EIF2AK3: variants seen among roughly 807,000 people sequenced by gnomAD.
The protein encoded by EIF2AK3 is eukaryotic translation initiation factor 2 alpha kinase 3.
Under a neutral mutation model 113.5 loss-of-function variants are expected in EIF2AK3, and 50 were observed. The ratio of observed to expected loss-of-function variants is 0.44; its 90% CI spans 0.35 to 0.56. The LOEUF is 0.56. Among genes scored for constraint, EIF2AK3 ranks in the 20% least tolerant of loss-of-function variants. The pLI, the probability that EIF2AK3 is intolerant of heterozygous loss-of-function variation, is 0.00. For missense variants in EIF2AK3, 1,185 were observed against 1,378.0 expected (o/e 0.86, Z 2.22); for synonymous variants, 448 against 495.4 (o/e 0.90, Z 1.27).
chr2:88,622,609 G>A (rs1269939570), intron 1 of EIF2AK3, among the ~76,000 whole-genome samples: 1 of 152,192 alleles, frequency 6.6e-6, no homozygotes, highest in Non-Finnish European at 1.5e-5. Flanking sequence ...CTTGCCTGAA[G>A]TATATTTATT....
intron 6 of EIF2AK3, among the ~76,000 whole-genome samples, chr2:88,589,818 G>A (rs1674837016): frequency 6.6e-6 from 1 of 151,996 alleles, no homozygotes; most frequent in African/African-American, 2.4e-5. Context: ...GGAGTAGCTA[G>A]GATTACAGGT....
At chr2:88,599,328 GATA>G (rs1675097584) in intron 2 of EIF2AK3, among the ~76,000 whole-genome samples, 1 of 151,808 alleles carries the variant, frequency 6.6e-6, no homozygotes, top group South Asian at 2.1e-4. Flanking sequence ...TCTATTTCCT[GATA>G]ATAGATAACA....
chr2:88,619,395 T>C (rs1254029811), intron 1 of EIF2AK3, among the ~76,000 whole-genome samples: 1 of 152,178 alleles, frequency 6.6e-6, no homozygotes, highest in African/African-American at 2.4e-5. Context: ...CCTCCATCTA[T>C]AGTATGACAG....
At chr2:88,571,874 A>G (rs1216758988) in intron 13 of EIF2AK3, among the ~76,000 whole-genome samples, 2 of 152,156 alleles carry the variant, frequency 1.3e-5, no homozygotes, top group African/African-American at 4.8e-5. Flanking sequence ...TACACTGTTT[A>G]TTGAATACAT....
intron 1 of EIF2AK3, 142 bp from the exon 2 acceptor site, chr2:88,613,995 C>T (rs1675515475): frequency 2.8e-6 from 2 of 723,376 alleles, no homozygotes; most frequent in Non-Finnish European, 4.6e-6. Flanking sequence ...CTCTTGCCAC[C>T]ACTGTCTTTG....
intron 7 of EIF2AK3, 86 bp downstream of exon 7, chr2:88,588,674 TC>T: frequency 7.4e-7 from 1 of 1,352,822 alleles, no homozygotes; most frequent in South Asian, 1.2e-5. Flanking sequence ...AGTTCTTATC[TC>T]TGCAGTATTC....
intron 14 of EIF2AK3, among the ~76,000 whole-genome samples, chr2:88,566,351 C>T (rs758626762): frequency 5.3e-5 from 8 of 152,036 alleles, no homozygotes; most frequent in Non-Finnish European, 1.2e-4. Flanking sequence ...GTCTATTTTG[C>T]CCAGGCTGGC....
At chr2:88,609,771 G>A (rs1445732099) in intron 2 of EIF2AK3, among the ~76,000 whole-genome samples, 1 of 151,872 alleles carries the variant, frequency 6.6e-6, no homozygotes, top group Non-Finnish European at 1.5e-5. Flanking sequence ...CACATCTGAC[G>A]GTATTTGTGA....
At chr2:88,568,829 A>G (rs1167921941) in intron 14 of EIF2AK3, among the ~76,000 whole-genome samples, 1 of 152,234 alleles carries the variant, frequency 6.6e-6, no homozygotes, top group African/African-American at 2.4e-5. Flanking sequence ...TTCATAGAAC[A>G]CCATTTTGAC....
chr2:88,617,928 C>A (rs1358770174), intron 1 of EIF2AK3, among the ~76,000 whole-genome samples: 1 of 152,154 alleles, frequency 6.6e-6, no homozygotes, highest in African/African-American at 2.4e-5. Flanking sequence ...TTTGTAAACC[C>A]AACACTCAGG....
intron 15 of EIF2AK3, among the ~76,000 whole-genome samples, chr2:88,560,759 T>C (rs1418484877): frequency 6.6e-6 from 1 of 152,062 alleles, no homozygotes; most frequent in East Asian, 1.9e-4. Flanking sequence ...TTTTTTTTTT[T>C]TCATTCATTG....
Position 88,595,620 on chromosome 2 carries a change from A to G in EIF2AK3, c.482T>C (p.Leu161Pro), listed in dbSNP as rs1675001807. The G allele has an allele frequency of 1.2e-6, 2 of 1,613,956 alleles. No individual in the cohort carries two copies. Among genetic ancestry groups the G allele is most frequent in the Non-Finnish European group, 8.5e-7 (1 of 1,179,966 alleles). Residue 161 changes from leucine to proline, a missense_variant, in exon 3 of 17, where the codon CTC (leucine) becomes CCC (proline). Physicochemically the swap from Leu to Pro is moderately conservative, Grantham distance 98. Coordinates refer to ENST00000303236, the MANE Select transcript of EIF2AK3 (RefSeq NM_004836.7). ...TTCACGGTCTTGGTCCCACTGGAAG[A>G]GGGCTCCATCCAGGGAAGGAATGAT... is the stretch of plus-strand genomic sequence containing the variant. Reference protein sequence around the residue: ...KMIIPSLDGALFQWDQDRESM... With the variant: ...KMIIPSLDGAPFQWDQDRESM...
At chr2:88,608,572 C>T (rs1675345539) in intron 2 of EIF2AK3, among the ~76,000 whole-genome samples, 1 of 152,010 alleles carries the variant, frequency 6.6e-6, no homozygotes, top group South Asian at 2.1e-4. Context: ...AGGAAGTTAA[C>T]TACTTTTAAA....
At chr2:88,595,748 T>C (rs754419036) in intron 2 of EIF2AK3, 85 bp from the exon 3 acceptor site, 3 of 1,271,132 alleles carry the variant, frequency 2.4e-6, no homozygotes, top group South Asian at 1.3e-5. Context: ...AGAAGCATCA[T>C]ACCTTTAAAA....
chr2:88,593,499 A>G (rs899844879), intron 3 of EIF2AK3, 94 bp from the exon 4 acceptor site: 5 of 1,419,200 alleles, frequency 3.5e-6, no homozygotes, highest in African/African-American at 1.4e-5. Flanking sequence ...TAAAAAGTGA[A>G]AGGAAACTAA....
chr2:88,572,528 CAA>C (rs1325550482), intron 13 of EIF2AK3, among the ~76,000 whole-genome samples: 2 of 152,112 alleles, frequency 1.3e-5, no homozygotes, highest in Non-Finnish European at 2.9e-5. Flanking sequence ...TGGGAAAAAG[CAA>C]TACTTTTCTC....
At chr2:88,592,842 C>T (rs188924148) in intron 4 of EIF2AK3, among the ~76,000 whole-genome samples, 73 of 151,874 alleles carry the variant, frequency 4.8e-4, no homozygotes, top group Admixed American at 2.8e-3. Flanking sequence ...TATCATATCC[C>T]GAAGCATATG....
At chr2:88,611,879 T>C (rs1675466459) in intron 2 of EIF2AK3, among the ~76,000 whole-genome samples, 1 of 152,100 alleles carries the variant, frequency 6.6e-6, no homozygotes, top group Admixed American at 6.5e-5. Context: ...CGCCTCAGCC[T>C]CCCAAAGTGC....
intron 9 of EIF2AK3, among the ~76,000 whole-genome samples, chr2:88,585,419 TG>T (rs1350937940): frequency 1.3e-5 from 2 of 152,046 alleles, no homozygotes; most frequent in Non-Finnish European, 2.9e-5. Context: ...GAAACAGATT[TG>T]GGAACCATTA....
Sources: gnomAD v4.1 joint callset for allele counts (sites outside exome capture counted in the v4.1 genomes callset) on GRCh38, gnomAD v4.1.1 for gene constraint, MANE v1.5 for transcripts, NCBI Gene and HGNC (gene_info 2026-07-23, HGNC 2026-07-21) for gene names.